The following CNTN1 variants were observed in gnomAD, a reference collection of about 807,000 sequenced individuals.
The protein encoded by CNTN1 is contactin 1.
CNTN1 carries 38 observed loss-of-function variants against 126.4 expected under a neutral mutation model. That is an observed-to-expected ratio of 0.30 (90% CI 0.23 to 0.39). The LOEUF is 0.39. Ranked by LOEUF, CNTN1 falls within the 10% of genes least tolerant of loss-of-function variation. The pLI is 1.00. For synonymous variants in CNTN1, 413 were observed against 422.6 expected, an observed-to-expected ratio of 0.98 and a Z score of 0.28; for missense variants, 1,009 against 1,248.4, an observed-to-expected ratio of 0.81 and a Z score of 2.89.
intron 14 of CNTN1, among the ~76,000 whole-genome samples, chr12:40,954,848 C>G (rs1946816167): frequency 1.3e-5 from 2 of 152,126 alleles, no homozygotes; most frequent in Non-Finnish European, 2.9e-5. Flanking sequence ...ACTCTGACTG[C>G]TCTGATGTGT....
At chr12:40,754,246 T>C (rs1194061786) in intron 1 of CNTN1, among the ~76,000 whole-genome samples, 2 of 152,140 alleles carry the variant, frequency 1.3e-5, no homozygotes, top group Non-Finnish European at 2.9e-5. Flanking sequence ...TTTCATATAC[T>C]ACTGGCTATC....
rs779788148 is a variant in CNTN1 at position 40,764,209 on chromosome 12, AG to A, written c.-77+71619del. Among the ~76,000 whole-genome samples, 45 of 152,332 alleles carry A rather than the reference AG, an allele frequency of 3.0e-4. 1 individual carries two copies. The highest frequency in any genetic ancestry group is 5.3e-4 in the Non-Finnish European group (36 of 68,028). On this transcript the variant is annotated intron_variant, in intron 1 of 23. Coordinates refer to ENST00000551295, the MANE Select transcript of CNTN1 (RefSeq NM_001843.4). ...AAGGATTTTCTGGAAGCTATGGGTTAGGAACGTTAAAGAACAATAGCACCAG... is the reference window on the plus strand; with the variant it reads ...AAGGATTTTCTGGAAGCTATGGGTTAGAACGTTAAAGAACAATAGCACCAG...
chr12:40,739,403 G>A (rs113527600), intron 1 of CNTN1, among the ~76,000 whole-genome samples: 32 of 152,142 alleles, frequency 2.1e-4, no homozygotes, highest in African/African-American at 5.8e-4. Flanking sequence ...AATGTGCAGC[G>A]TTTTGAAATG....
At chr12:40,754,034 A>T (rs1352265833) in intron 1 of CNTN1, among the ~76,000 whole-genome samples, 1 of 152,108 alleles carries the variant, frequency 6.6e-6, no homozygotes, top group Admixed American at 6.6e-5. Context: ...TCAGAAAGTT[A>T]TCAGTTGATA....
At chr12:40,927,764 G>T (rs1332705301) in intron 6 of CNTN1, among the ~76,000 whole-genome samples, 1 of 152,064 alleles carries the variant, frequency 6.6e-6, no homozygotes, top group African/African-American at 2.4e-5. Flanking sequence ...GTAAATTAGA[G>T]AATCTACATC....
chr12:40,868,577 C>A (rs747664631), intron 1 of CNTN1, among the ~76,000 whole-genome samples: 1 of 152,112 alleles, frequency 6.6e-6, no homozygotes, highest in Admixed American at 6.6e-5. Flanking sequence ...ACCTAACTCC[C>A]CTGCTCTCTG....
chr12:40,788,255 G>GA (rs1940099550), intron 1 of CNTN1, among the ~76,000 whole-genome samples: 1 of 152,072 alleles, frequency 6.6e-6, no homozygotes, highest in Non-Finnish European at 1.5e-5. Context: ...AGCCGCTATG[G>GA]AAAAATAGTT....
intron 17 of CNTN1, among the ~76,000 whole-genome samples, chr12:40,998,070 GA>G (rs1218297258): frequency 2.7e-5 from 4 of 149,772 alleles, no homozygotes; most frequent in East Asian, 1.9e-4. Flanking sequence ...TGAGGATGAT[GA>G]AAAAAAAAGG....
At chr12:40,703,801 G>GAGA (rs1941662406) in intron 1 of CNTN1, among the ~76,000 whole-genome samples, 2 of 151,620 alleles carry the variant, frequency 1.3e-5, no homozygotes, top group East Asian at 3.9e-4. Flanking sequence ...GTGAGAGGAG[G>GAGA]GAGAGAGAGA....
chr12:40,894,382 T>G (rs1291669372), intron 1 of CNTN1, among the ~76,000 whole-genome samples: 1 of 152,172 alleles, frequency 6.6e-6, no homozygotes. Context: ...TGATTTAAAC[T>G]GTGAACTTTA....
chr12:40,995,922 A>G (rs1324643259), intron 17 of CNTN1, among the ~76,000 whole-genome samples: 1 of 152,188 alleles, frequency 6.6e-6, no homozygotes, highest in Non-Finnish European at 1.5e-5. Context: ...CAATAACTTT[A>G]TGAAACAGAT....
At chr12:40,975,785 A>G (rs1280850815) in intron 15 of CNTN1, among the ~76,000 whole-genome samples, 1 of 152,162 alleles carries the variant, frequency 6.6e-6, no homozygotes. Flanking sequence ...ATGGGAAAAT[A>G]AGAATCAAAA....
chr12:40,813,033 T>TC lies in CNTN1; in HGVS notation c.-76-95323dup, dbSNP rs1372625150. On this transcript the variant is annotated intron_variant, in intron 1 of 23. Coordinates refer to ENST00000551295, the MANE Select transcript of CNTN1 (RefSeq NM_001843.4). ...CTTCCATCCTTTCTTTCTTTCTCTT[T>TC]CTTTCCTTTCTTTCTTTCTTTCTTT... Among the ~76,000 whole-genome samples the TC allele has an allele frequency of 4.3e-3, 468 of 109,144 alleles. 13 individuals are homozygous for TC. The highest frequency in any genetic ancestry group is 0.014 in the African/African-American group (435 of 31,544). The allele number at this position is 109,144 out of a possible 152,430, so 71.6% of individuals were successfully genotyped here. A position where few individuals can be genotyped will look rare whatever the true frequency, so the allele number is the denominator to read the frequency against.
Position 40,827,178 on chromosome 12 carries a change from G to GT in CNTN1, c.-76-81168dup, listed in dbSNP as rs34367774. Among the ~76,000 whole-genome samples the GT allele has an allele frequency of 6.7e-3, 979 of 145,362 alleles. 2 individuals are homozygous for GT. Among genetic ancestry groups the GT allele is most frequent in the South Asian group, 8.0e-3 (37 of 4,636 alleles). ...AAATGTACATTTTGTTTTAAAGCCTGTTTTTTTTTTTCAGGCAATGAAAAC... is the reference window on the plus strand; with the variant it reads ...AAATGTACATTTTGTTTTAAAGCCTGTTTTTTTTTTTTCAGGCAATGAAAAC... On this transcript the variant is annotated intron_variant, in intron 1 of 23. Transcript: ENST00000551295.
At chr12:40,944,514 G>A (rs1002039983) in intron 14 of CNTN1, among the ~76,000 whole-genome samples, 1 of 151,884 alleles carries the variant, frequency 6.6e-6, no homozygotes, top group Non-Finnish European at 1.5e-5. Context: ...GAAGAGCATA[G>A]AACTTAATCT....
chr12:40,869,121 A>C (rs549735137), intron 1 of CNTN1, among the ~76,000 whole-genome samples: 1 of 151,840 alleles, frequency 6.6e-6, no homozygotes, highest in Non-Finnish European at 1.5e-5. Context: ...TTGATAGTTT[A>C]TAAAACACAA....
intron 1 of CNTN1, among the ~76,000 whole-genome samples, chr12:40,812,943 ATTTT>A (rs36133223): frequency 7.6e-6 from 1 of 131,690 alleles, no homozygotes; most frequent in Non-Finnish European, 1.6e-5. Flanking sequence ...CAGTTTGTTA[ATTTT>A]TTTTTTTTTT....
chr12:40,694,935 T>A (rs753278644), intron 1 of CNTN1, among the ~76,000 whole-genome samples: 2 of 152,200 alleles, frequency 1.3e-5, no homozygotes, highest in African/African-American at 2.4e-5. Context: ...ACAGGGCTAC[T>A]GGTAATAATA....
intron 1 of CNTN1, among the ~76,000 whole-genome samples, chr12:40,722,951 T>C (rs1008797655): frequency 6.6e-6 from 1 of 152,254 alleles, no homozygotes; most frequent in East Asian, 1.9e-4. Context: ...GTAATCAGTT[T>C]AGAGCAAAGA....
Sources: allele counts gnomAD v4.1 joint callset (sites outside exome capture counted in the v4.1 genomes callset), GRCh38; gene constraint gnomAD v4.1.1; transcripts MANE v1.5; gene names NCBI Gene and HGNC (gene_info 2026-07-23, HGNC 2026-07-21).